RBFOX1: variants seen among roughly 807,000 people sequenced by gnomAD.
RBFOX1 encodes RNA binding fox-1 homolog 1, also known as RNA binding protein fox-1 homolog 1.
In RBFOX1, 8 loss-of-function variants were observed where a neutral mutation model predicts 57.7. The ratio of observed to expected loss-of-function variants is 0.14; its 90% CI spans 0.08 to 0.25. RBFOX1 has a LOEUF of 0.25. Ranked by LOEUF, RBFOX1 falls within the 10% of genes least tolerant of loss-of-function variation. The pLI, the probability that RBFOX1 is intolerant of heterozygous loss-of-function variation, is 1.00. For synonymous variants in RBFOX1, 326 were observed against 222.4 expected (o/e 1.47, Z -4.15); for missense variants, 611 against 548.5 (o/e 1.11, Z -1.14).
intron 4 of RBFOX1, among the ~76,000 whole-genome samples, chr16:7,111,510 TG>T (rs1468485414): frequency 6.6e-6 from 1 of 152,190 alleles, no homozygotes; most frequent in Non-Finnish European, 1.5e-5. Context: ...GTTCTGCTGT[TG>T]GGGGAAGGGT....
At chr16:6,116,233 C>T (rs1450033429) in intron 1 of RBFOX1, among the ~76,000 whole-genome samples, 2 of 149,700 alleles carry the variant, frequency 1.3e-5, no homozygotes, top group African/African-American at 5.0e-5. Flanking sequence ...AACACATGGA[C>T]ACAGGGAGGG....
chr16:7,327,447 GTGAT>G (rs1486543776), intron 4 of RBFOX1, among the ~76,000 whole-genome samples: 6 of 152,340 alleles, frequency 3.9e-5, no homozygotes, highest in African/African-American at 1.4e-4. Context: ...AACAAAGTGA[GTGAT>G]TGTGTGAGTA....
chr16:7,308,574 G>T (rs1169338046), intron 4 of RBFOX1, among the ~76,000 whole-genome samples: 1 of 152,202 alleles, frequency 6.6e-6, no homozygotes, highest in Non-Finnish European at 1.5e-5. Context: ...ACTTAATGAT[G>T]ATCCATGTGG....
chr16:6,511,146 G>T (rs1313629482), intron 2 of RBFOX1, among the ~76,000 whole-genome samples: 1 of 152,158 alleles, frequency 6.6e-6, no homozygotes, highest in East Asian at 1.9e-4. Flanking sequence ...GCCTCCTGGT[G>T]TTACGCTGGG....
chr16:7,438,251 C>G (rs557979318), intron 4 of RBFOX1, among the ~76,000 whole-genome samples: 18 of 152,098 alleles, frequency 1.2e-4, no homozygotes, highest in African/African-American at 4.3e-4. Context: ...TATTAAGATG[C>G]TGATGCGAGA....
rs562367161 is a variant in RBFOX1 at position 5,598,174 on chromosome 16, T to C, written c.259-728T>C. ...TTATCCAGGTGTGGTGGCGGGTGCC[T>C]ATAGTCCCAGCAACTTGGGAGGTTG... On this transcript the variant is annotated intron_variant, in intron 2 of 2. Transcript: ENST00000585867. Among the ~76,000 whole-genome samples, 3 of 151,566 alleles carry C rather than the reference T, an allele frequency of 2.0e-5. No homozygotes were observed. In the South Asian group the frequency reaches 6.3e-4, roughly 32 times the overall value.
intron 1 of RBFOX1, among the ~76,000 whole-genome samples, chr16:6,051,606 A>T (rs1459965955): frequency 6.6e-6 from 1 of 151,892 alleles, no homozygotes. Flanking sequence ...TGTCACCCAG[A>T]CTGCTGGGGT....
rs1303070831 is a variant in RBFOX1, at chr16:7,235,185, G to A, written c.27+183087G>A. ...ATTTGGCATCATATATTTTTAAAGT[G>A]CTTTAAAATGTTGACATTCCTTAGA... is the stretch of plus-strand genomic sequence containing the variant. On this transcript the variant is annotated intron_variant, in intron 4 of 15. Transcript: ENST00000550418. Among the ~76,000 whole-genome samples, 9 of 152,294 alleles carry A rather than the reference G, an allele frequency of 5.9e-5. No homozygotes were observed. The South Asian group carries it at 1.7e-3, about 28-fold the overall frequency.
At position 5,980,279 on chromosome 16, in the gene RBFOX1, A is replaced by T. The variant is rs560472103; in HGVS notation, c.351+112944A>T. ...AAATCGACTCCTTCCCTCCAGCAGGATCTTGTGACTAGGCCACAGCTTGCA... is the reference window on the plus strand; with the variant it reads ...AAATCGACTCCTTCCCTCCAGCAGGTTCTTGTGACTAGGCCACAGCTTGCA... On this transcript the variant is annotated intron_variant, in intron 4 of 19. Coordinates refer to the RBFOX1 transcript ENST00000641259. Among the ~76,000 whole-genome samples the T allele has an allele frequency of 2.6e-5, 4 of 152,340 alleles. No homozygotes were observed. The South Asian group carries it at 6.2e-4, about 24-fold the overall frequency.
intron 4 of RBFOX1, among the ~76,000 whole-genome samples, chr16:7,083,373 G>T (rs1023664853): frequency 1.3e-5 from 2 of 152,020 alleles, no homozygotes; most frequent in African/African-American, 4.8e-5. Context: ...AAGCAGGTGG[G>T]AGAATGAATG....
intron 2 of RBFOX1, among the ~76,000 whole-genome samples, chr16:6,371,553 C>G (rs2090435908): frequency 6.6e-6 from 1 of 151,972 alleles, no homozygotes; most frequent in South Asian, 2.1e-4. Flanking sequence ...TTAATAACAT[C>G]CTTATTCCTT....
At chr16:6,903,764 G>A (rs953698777) in intron 3 of RBFOX1, among the ~76,000 whole-genome samples, 1 of 152,200 alleles carries the variant, frequency 6.6e-6, no homozygotes, top group Non-Finnish European at 1.5e-5. Context: ...GAGGCAGAGG[G>A]CTGAGGGCCT....
intron 1 of RBFOX1, among the ~76,000 whole-genome samples, chr16:5,333,463 G>C (rs968617070): frequency 6.6e-6 from 1 of 152,038 alleles, no homozygotes; most frequent in Admixed American, 6.5e-5. Context: ...AGAGTTTACA[G>C]ATCCCCCGAT....
chr16:5,679,375 G>A (rs1418986117), intron 3 of RBFOX1, among the ~76,000 whole-genome samples: 1 of 150,914 alleles, frequency 6.6e-6, no homozygotes, highest in Non-Finnish European at 1.5e-5. Context: ...TGGGATACAA[G>A]TACAGAATGT....
chr16:5,585,048 T>A (rs1295835986), intron 2 of RBFOX1, among the ~76,000 whole-genome samples: 3 of 152,198 alleles, frequency 2.0e-5, no homozygotes, highest in African/African-American at 4.8e-5. Context: ...ATTTTGGAGT[T>A]AACAATTCAG....
Position 6,822,782 on chromosome 16 carries a change from G to A in RBFOX1, c.-16+168132G>A, listed in dbSNP as rs115609127. On this transcript the variant is annotated intron_variant, in intron 3 of 15. Transcript: ENST00000550418. Reference sequence around the variant, plus strand: ...CCAGAAGAACCTATGGGACAAGCGCGAGTATGGTCTGACTCTCCAACCAGG... The same window carrying A: ...CCAGAAGAACCTATGGGACAAGCGCAAGTATGGTCTGACTCTCCAACCAGG... 1.8e-3 allele frequency among the ~76,000 whole-genome samples: 270 copies of A among 152,304 alleles called. 3 individuals are homozygous for A. Among genetic ancestry groups the A allele is most frequent in the African/African-American group, 6.0e-3 (248 of 41,560 alleles).
chr16:5,953,721 TATATAA>T (rs1164423861), intron 4 of RBFOX1, among the ~76,000 whole-genome samples: 2 of 140,722 alleles, frequency 1.4e-5, no homozygotes, highest in African/African-American at 5.8e-5. Context: ...TATATATATA[TATATAA>T]AAAACACATT....
At position 5,780,735 on chromosome 16, in the gene RBFOX1, C is replaced by T. The variant is rs143061911; in HGVS notation, c.319-86568C>T. On this transcript the variant is annotated intron_variant, in intron 3 of 19. Coordinates refer to the RBFOX1 transcript ENST00000641259. ...CTTCTGAAATTCCACCGTTAAGTCA[C>T]TTGAGTACAAGATGTACAGGCAGCT... is the stretch of plus-strand genomic sequence containing the variant. 4.4e-3 allele frequency among the ~76,000 whole-genome samples: 675 copies of T among 152,318 alleles called. 7 individuals are homozygous for T. Among genetic ancestry groups the T allele is most frequent in the African/African-American group, 0.015 (636 of 41,564 alleles).
intron 2 of RBFOX1, among the ~76,000 whole-genome samples, chr16:6,361,282 G>A (rs2088454777): frequency 1.3e-5 from 2 of 152,108 alleles, no homozygotes; most frequent in Non-Finnish European, 2.9e-5. Flanking sequence ...TTGGGGAAAA[G>A]ATGTAGACAA....
Sources: allele counts gnomAD v4.1 joint callset (sites outside exome capture counted in the v4.1 genomes callset), GRCh38; gene constraint gnomAD v4.1.1; transcripts MANE v1.5; gene names NCBI Gene and HGNC (gene_info 2026-07-23, HGNC 2026-07-21).